The following NRXN1 variants were observed in gnomAD, a reference collection of about 807,000 sequenced individuals.
NRXN1 encodes the protein neurexin 1.
Under a neutral mutation model 150.9 loss-of-function variants are expected in NRXN1, and 39 were observed. The observed-to-expected ratio is 0.26, with a 90% CI of 0.20 to 0.34. The LOEUF (loss-of-function observed/expected upper bound fraction) is 0.34, where lower values mean the gene tolerates loss of function less well. Ranked by LOEUF, NRXN1 falls within the 10% of genes least tolerant of loss-of-function variation. The pLI, the probability that NRXN1 is intolerant of heterozygous loss-of-function variation, is 1.00. For synonymous variants in NRXN1, 924 were observed against 757.0 expected (o/e 1.22, Z -3.62); for missense variants, 1,815 against 1,949.9 (o/e 0.93, Z 1.30).
At chr2:50,168,393 G>A (rs2059814704) in intron 18 of NRXN1, among the ~76,000 whole-genome samples, 1 of 152,064 alleles carries the variant, frequency 6.6e-6, no homozygotes, top group Non-Finnish European at 1.5e-5. Context: ...CTTTACCTTG[G>A]CTGAAACTTG....
At chr2:50,025,317 T>A (rs949134523) in intron 21 of NRXN1, among the ~76,000 whole-genome samples, 1 of 152,112 alleles carries the variant, frequency 6.6e-6, no homozygotes, top group Non-Finnish European at 1.5e-5. Flanking sequence ...GTAAACAAGA[T>A]TTGGGGAACA....
intron 17 of NRXN1, among the ~76,000 whole-genome samples, chr2:50,252,775 C>A (rs946735062): frequency 6.6e-6 from 1 of 151,992 alleles, no homozygotes; most frequent in Non-Finnish European, 1.5e-5. Context: ...TTCCATTAGT[C>A]TATGTGTCTG....
chr2:49,947,127 T>C (rs1380128086), intron 21 of NRXN1, among the ~76,000 whole-genome samples: 1 of 152,166 alleles, frequency 6.6e-6, no homozygotes. Context: ...TTTTGTTTTT[T>C]TCCCCCCGGA....
In NRXN1 at chr2:50,231,841, TA is replaced by T. The variant is rs1372216414; in HGVS notation, c.3546+4947del. 2.7e-5 allele frequency among the ~76,000 whole-genome samples: 4 copies of T among 146,780 alleles called. No individual in the cohort carries two copies. The East Asian group carries it at 7.8e-4, about 29-fold the overall frequency. On this transcript the variant is annotated intron_variant, in intron 18 of 22. Transcript: ENST00000401669. Reference sequence around the variant, plus strand: ...TTTTCTCTAGAAGTGACAACATTGGTAAAATTTCTAGATATATCTTATATAA... The same window carrying T: ...TTTTCTCTAGAAGTGACAACATTGGTAAATTTCTAGATATATCTTATATAA...
At chr2:50,400,149 C>T (rs77513094) in intron 17 of NRXN1, among the ~76,000 whole-genome samples, 3,369 of 152,070 alleles carry the variant, frequency 0.022, 122 homozygotes, top group African/African-American at 0.076. Flanking sequence ...TTGCATGAAA[C>T]TACTGTTACT....
intron 5 of NRXN1, among the ~76,000 whole-genome samples, chr2:50,706,566 GA>G (rs1399969861): frequency 6.6e-6 from 1 of 152,038 alleles, no homozygotes; most frequent in Non-Finnish European, 1.5e-5. Context: ...GGCTTTACAA[GA>G]AATCTTCACA....
At chr2:50,211,340 T>C (rs915062276) in intron 18 of NRXN1, among the ~76,000 whole-genome samples, 15 of 151,624 alleles carry the variant, frequency 9.9e-5, no homozygotes, top group Non-Finnish European at 3.0e-5. Context: ...AGTATCTGTA[T>C]CCTAAATTTA....
At chr2:50,848,019 T>A (rs189994597) in intron 5 of NRXN1, among the ~76,000 whole-genome samples, 4 of 152,230 alleles carry the variant, frequency 2.6e-5, no homozygotes, top group South Asian at 4.1e-4. Flanking sequence ...CAGAAATCCC[T>A]CTGTCGGAAG....
At chr2:50,727,547 C>A (rs1697539115) in intron 5 of NRXN1, among the ~76,000 whole-genome samples, 1 of 151,904 alleles carries the variant, frequency 6.6e-6, no homozygotes, top group South Asian at 2.1e-4. Context: ...TGATGATCCC[C>A]AAAAGATCAA....
intron 8 of NRXN1, chr2:50,616,170 T>G (rs939259219): frequency 6.6e-6 from 1 of 152,118 alleles, no homozygotes; most frequent in African/African-American, 2.4e-5. Context: ...GTGATGAAAA[T>G]ATGAATTATT....
chr2:49,937,100 C>A (rs537236080), intron 22 of NRXN1, among the ~76,000 whole-genome samples: 1 of 152,290 alleles, frequency 6.6e-6, no homozygotes, highest in African/African-American at 2.4e-5. Flanking sequence ...GAGAAGATAG[C>A]GCCCCTATCT....
chr2:50,731,475 G>A (rs187907190), intron 5 of NRXN1, among the ~76,000 whole-genome samples: 133 of 152,046 alleles, frequency 8.7e-4, no homozygotes, highest in African/African-American at 3.0e-3. Flanking sequence ...AATGTTATCC[G>A]GCAGATACAG....
At chr2:50,872,468 C>T (rs1268818509) in intron 5 of NRXN1, among the ~76,000 whole-genome samples, 1 of 151,510 alleles carries the variant, frequency 6.6e-6, no homozygotes, top group African/African-American at 2.4e-5. Context: ...TAAGGCATAC[C>T]TTGGAGGTGG....
intron 5 of NRXN1, among the ~76,000 whole-genome samples, chr2:50,853,032 C>A (rs1436482067): frequency 1.3e-5 from 2 of 152,132 alleles, no homozygotes; most frequent in African/African-American, 4.8e-5. Context: ...AGTAAATACA[C>A]CTTAATTCAC....
chr2:50,635,812 C>T (rs77158460), intron 5 of NRXN1, among the ~76,000 whole-genome samples: 3 of 152,092 alleles, frequency 2.0e-5, no homozygotes, highest in Non-Finnish European at 4.4e-5. Context: ...GTCAGTCTTT[C>T]GGTCCTGTAG....
rs1023863061 is a variant in NRXN1 at position 50,090,469 on chromosome 2, A to G, written c.3718+854T>C. ...TATCTAAAAGGGGAAGAGAGAAATG[A>G]GACTGATGCTTTTAGTAATAGAGAC... On this transcript the variant is annotated intron_variant, in intron 19 of 22. Coordinates refer to ENST00000401669, the MANE Select transcript of NRXN1 (RefSeq NM_001330078.2). 3.0e-4 allele frequency among the ~76,000 whole-genome samples: 45 copies of G among 152,094 alleles called. 1 individual carries two copies. Among genetic ancestry groups the G allele is most frequent in the Admixed American group, 2.6e-4 (4 of 15,266 alleles).
intron 5 of NRXN1, among the ~76,000 whole-genome samples, chr2:50,778,656 A>T (rs978124555): frequency 1.3e-5 from 2 of 152,176 alleles, no homozygotes; most frequent in African/African-American, 2.4e-5. Flanking sequence ...AGAAATATCA[A>T]TGAAGACAGA....
chr2:50,188,362 A>G (rs77295218), intron 18 of NRXN1, among the ~76,000 whole-genome samples: 27,433 of 152,148 alleles, frequency 0.18, 2,950 homozygotes, highest in East Asian at 0.41. Context: ...TACCTTATAC[A>G]AAAATTAACT....
At chr2:50,663,808 AT>A (rs1298462429) in intron 5 of NRXN1, among the ~76,000 whole-genome samples, 1 of 151,926 alleles carries the variant, frequency 6.6e-6, no homozygotes, top group Non-Finnish European at 1.5e-5. Flanking sequence ...TTCTACTGCA[AT>A]TTTCTGTATC....
Sources: gnomAD v4.1 joint callset for allele counts (sites outside exome capture counted in the v4.1 genomes callset) on GRCh38, gnomAD v4.1.1 for gene constraint, MANE v1.5 for transcripts, NCBI Gene and HGNC (gene_info 2026-07-23, HGNC 2026-07-21) for gene names.